Variants in ZFX observed in about 807,000 individuals in gnomAD.
ZFX encodes the protein zinc finger X-chromosomal protein.
For synonymous variants in ZFX, 196 were observed against 226.8 expected, an observed-to-expected ratio of 0.86 and a Z score of 1.22; for missense variants, 362 against 628.3, an observed-to-expected ratio of 0.58 and a Z score of 4.53.
At position 24,210,833 on chromosome X, in the gene ZFX, T is replaced by C. The variant is rs766815041; in HGVS notation, c.1875T>C (p.Leu625=). The change falls in exon 10 of 10, where the codon CTT becomes CTC. Residue 625 remains leucine, a synonymous_variant. Transcript: ENST00000304543. ...CCAAAGAGGTGCAGCAACATGCTCTTATCCACCAAGAAAGCAAAACACACC... is the reference window on the plus strand; with the variant it reads ...CCAAAGAGGTGCAGCAACATGCTCTCATCCACCAAGAAAGCAAAACACACC... ...SDTKEVQQHA[L]IHQESKTHQC... 6 of 1,212,030 alleles carry C rather than the reference T, an allele frequency of 5.0e-6. No homozygotes were observed. The highest frequency in any genetic ancestry group is 5.6e-6 in the Non-Finnish European group (5 of 895,573).
rs757008947 is a variant in ZFX, at chrX:24,207,694, T to G, written c.797-18T>G. On this transcript the variant is annotated intron_variant, in intron 6 of 9. Transcript: ENST00000304543. Reference sequence around the variant, plus strand: ...TTTCAAATAAATTATTGAAGCTGTCTTCTTCCCTGATTGATAGGTGGAACT... The same window carrying G: ...TTTCAAATAAATTATTGAAGCTGTCGTCTTCCCTGATTGATAGGTGGAACT... 1 of 1,205,487 alleles carries G rather than the reference T, an allele frequency of 8.3e-7. No individual in the cohort carries two copies. Among genetic ancestry groups the G allele is most frequent in the East Asian group, 3.0e-5 (1 of 33,843 alleles).
chrX:24,202,443 A>G (rs1204666874), intron 5 of ZFX, among the ~76,000 whole-genome samples: 3 of 111,088 alleles, frequency 2.7e-5, no homozygotes, highest in African/African-American at 6.5e-5. Flanking sequence ...TACAGCCTTC[A>G]CTCCACTGAT....
intron 5 of ZFX, among the ~76,000 whole-genome samples, chrX:24,205,620 C>T (rs1031002335): frequency 8.0e-5 from 9 of 111,870 alleles, no homozygotes; most frequent in Admixed American, 7.6e-4. Context: ...TTTGGGAGGC[C>T]GAGGTGGGTG....
At chrX:24,154,833 C>A (rs1374778186) in intron 3 of ZFX, among the ~76,000 whole-genome samples, 2 of 111,255 alleles carry the variant, frequency 1.8e-5, no homozygotes, top group Non-Finnish European at 3.8e-5. Flanking sequence ...GTGTCTTTTG[C>A]GGAAACATGG....
chrX:24,206,548 TGTA>T (rs1156915950), intron 5 of ZFX, among the ~76,000 whole-genome samples: 936 of 84,351 alleles, frequency 0.011, 14 homozygotes, highest in African/African-American at 0.042. Context: ...TGTGTGTGTG[TGTA>T]TTTTTTTTTT....
At chrX:24,182,428 G>GT (rs1321472041) in intron 5 of ZFX, among the ~76,000 whole-genome samples, 1 of 111,575 alleles carries the variant, frequency 9.0e-6, no homozygotes, top group African/African-American at 3.3e-5. Flanking sequence ...AAATCAGGAG[G>GT]TTTTGGGAAG....
intron 4 of ZFX, among the ~76,000 whole-genome samples, chrX:24,176,056 T>A (rs1935099372): frequency 9.2e-6 from 1 of 108,641 alleles, no homozygotes; most frequent in Non-Finnish European, 1.9e-5. Context: ...TTTTTTTTTT[T>A]GAGATGGAGT....
In ZFX at chrX:24,179,515, G is replaced by C; in HGVS notation, c.391G>C (p.Glu131Gln). ...TACTTCAGCCTCAATGTCTATGCCA[G>C]AACACGTCTTGACGGGTGATTCTAT... ...DITSASMSMPEHVLTGDSIHV... is the reference protein window; with the variant it reads ...DITSASMSMPQHVLTGDSIHV... The change falls in exon 5 of 10, where the codon GAA becomes CAA. Residue 131 changes from glutamate (E) to glutamine (Q), a missense_variant. Glu to Gln is a conservative substitution (Grantham distance 29, BLOSUM62 2). Transcript: ENST00000304543. The C allele has an allele frequency of 8.2e-7, 1 of 1,212,356 alleles. No homozygotes were observed. Among genetic ancestry groups the C allele is most frequent in the Non-Finnish European group, 1.1e-6 (1 of 895,684 alleles).
intron 3 of ZFX, among the ~76,000 whole-genome samples, chrX:24,171,638 A>G (rs1934607773): frequency 9.0e-6 from 1 of 111,670 alleles, no homozygotes; most frequent in African/African-American, 3.3e-5. Flanking sequence ...AAAAAGCGGT[A>G]AAGGTGAAAA....
At chrX:24,198,406 C>T (rs780431865) in intron 5 of ZFX, among the ~76,000 whole-genome samples, 2 of 109,662 alleles carry the variant, frequency 1.8e-5, no homozygotes, top group African/African-American at 6.6e-5. Context: ...CACTATATTA[C>T]CCAGGCTGAA....
chrX:24,179,553 C>CGTTGGACAT lies in ZFX; in HGVS notation c.452_460dup (p.Gly151_Val153dup), dbSNP rs746150901. ...CGGGTGATTCTATACATGTGTCTGA[C>CGTTGGACAT]GTTGGACATGTTGGACATGTTGGAC... is the stretch of plus-strand genomic sequence containing the variant. On this transcript the variant is annotated inframe_insertion, in exon 5 of 10. Coordinates refer to ENST00000304543, the MANE Select transcript of ZFX (RefSeq NM_003410.4). The CGTTGGACAT allele has an allele frequency of 5.5e-4, 669 of 1,210,607 alleles. No homozygotes were observed. Among genetic ancestry groups the CGTTGGACAT allele is most frequent in the Non-Finnish European group, 6.8e-4 (609 of 895,416 alleles).
chrX:24,208,562 T>C (rs750540858), intron 8 of ZFX, among the ~76,000 whole-genome samples, 192 bp downstream of exon 8: 1 of 112,719 alleles, frequency 8.9e-6, no homozygotes, highest in Non-Finnish European at 1.9e-5. Context: ...CCTTCATGTG[T>C]ATATTATGTA....
chrX:24,211,439 C>A lies in ZFX; in HGVS notation c.*63C>A. 9.1e-7 allele frequency: 1 copy of A among 1,099,526 alleles called. No individual in the cohort carries two copies. Among genetic ancestry groups the A allele is most frequent in the Non-Finnish European group, 1.2e-6 (1 of 804,620 alleles). The allele number at this position is 1,099,526 out of a possible 1,213,427, so 90.6% of individuals were successfully genotyped here. On this transcript the variant is annotated 3_prime_UTR_variant, in exon 10 of 10. Transcript: ENST00000304543. ...TGAAGCAGAAAATTCATTTTAAAGCCAATCAGTCTCATTCACATACAATAC... is the reference window on the plus strand; with the variant it reads ...TGAAGCAGAAAATTCATTTTAAAGCAAATCAGTCTCATTCACATACAATAC...
chrX:24,190,576 G>T (rs1936464267), intron 5 of ZFX, among the ~76,000 whole-genome samples: 1 of 112,221 alleles, frequency 8.9e-6, no homozygotes, highest in Non-Finnish European at 1.9e-5. Flanking sequence ...TGGAGCTTCA[G>T]ACTGGCCTTG....
Position 24,207,372 on chromosome X carries a change from C to A in ZFX, c.693C>A (p.Thr231=). 8.3e-7 allele frequency: 1 copy of A among 1,209,818 alleles called. No homozygotes were observed. The highest frequency in any genetic ancestry group is 1.1e-6 in the Non-Finnish European group (1 of 894,995). The change falls in exon 6 of 10, where the codon ACC becomes ACA. Residue 231 remains threonine (T), a synonymous_variant. Transcript: ENST00000304543. ...KIEHDGSSGM[T]MDTESEIDPC... ...AACACGATGGTTCTTCTGGAATGAC[C>A]ATGGACACAGAGTCGGAAATTGATC...
intron 5 of ZFX, among the ~76,000 whole-genome samples, chrX:24,201,027 C>T (rs1016123096): frequency 8.9e-6 from 1 of 112,179 alleles, no homozygotes; most frequent in Admixed American, 9.5e-5. Context: ...GGCACTTATG[C>T]AGGAATCATA....
chrX:24,199,152 C>T (rs1937120573), intron 5 of ZFX, among the ~76,000 whole-genome samples: 1 of 111,497 alleles, frequency 9.0e-6, no homozygotes, highest in Non-Finnish European at 1.9e-5. Flanking sequence ...GAGCATCTGT[C>T]AGATGCTGCC....
intron 4 of ZFX, among the ~76,000 whole-genome samples, chrX:24,176,038 CTCTT>C (rs1752593566): frequency 9.3e-6 from 1 of 107,001 alleles, no homozygotes; most frequent in South Asian, 3.9e-4. Flanking sequence ...AGTGAACATA[CTCTT>C]TTTTTTTTTT....
chrX:24,172,900 T>A, intron 4 of ZFX, 100 bp downstream of exon 4: 1 of 870,356 alleles, frequency 1.1e-6, no homozygotes, highest in Non-Finnish European at 1.6e-6. Context: ...TCACAGGTTA[T>A]CTTGTTATCC....
Sources: allele counts gnomAD v4.1 joint callset (sites outside exome capture counted in the v4.1 genomes callset), GRCh38; gene constraint gnomAD v4.1.1; transcripts MANE v1.5; gene names NCBI Gene and HGNC (gene_info 2026-07-23, HGNC 2026-07-21).